Variants in AHCTF1 observed in about 807,000 individuals in gnomAD.
AHCTF1 encodes AT-hook containing transcription factor 1, also known as protein ELYS.
Under a neutral mutation model 248.4 loss-of-function variants are expected in AHCTF1, and 24 were observed. That is an observed-to-expected ratio of 0.10 (90% CI 0.07 to 0.14). The LOEUF is 0.14. Among genes scored for constraint, AHCTF1 ranks in the 10% least tolerant of loss-of-function variants. The pLI, the probability that AHCTF1 is intolerant of heterozygous loss-of-function variation, is 1.00. For synonymous variants in AHCTF1, 786 were observed against 929.8 expected, an observed-to-expected ratio of 0.85 and a Z score of 2.81; for missense variants, 2,206 against 2,636.2, an observed-to-expected ratio of 0.84 and a Z score of 3.57.
chr1:246,885,197 A>G (rs1489820926), intron 21 of AHCTF1, among the ~76,000 whole-genome samples: 1 of 152,242 alleles, frequency 6.6e-6, no homozygotes, highest in Non-Finnish European at 1.5e-5. Flanking sequence ...GTTGTCCCTC[A>G]GTATCCTTGG....
At chr1:246,866,347 A>AG (rs1388836378) in intron 26 of AHCTF1, among the ~76,000 whole-genome samples, 1 of 152,204 alleles carries the variant, frequency 6.6e-6, no homozygotes, top group African/African-American at 2.4e-5. Context: ...AACTATTGGT[A>AG]GAAAAAAAGA....
chr1:246,849,893 A>C lies in AHCTF1; in HGVS notation c.6113T>G (p.Leu2038Arg). 6.2e-7 allele frequency: 1 copy of C among 1,613,930 alleles called. No homozygotes were observed. The highest frequency in any genetic ancestry group is 2.2e-5 in the East Asian group (1 of 44,878). Reference sequence around the variant, plus strand: ...TTTCTTAGAGCTCATCACCATCGAAAGTTCCTCGTTTGGCACTAAAATGGA... The same window carrying C: ...TTTCTTAGAGCTCATCACCATCGAACGTTCCTCGTTTGGCACTAAAATGGA... ...GKSILVPNEE[L>R]SMVMSSKKKL... is the part of the protein sequence containing the mutation. Residue 2038 changes from leucine (L) to arginine (R), a missense_variant, in exon 33 of 36, where the codon CTT (leucine) becomes CGT (arginine). Around this residue, in one of 6 missense-constraint regions of AHCTF1, gnomAD observed 469 missense variants for 470.0 expected, o/e 1.00. Transcript: ENST00000648844.
At chr1:246,893,003 T>C (rs1664326251) in intron 14 of AHCTF1, among the ~76,000 whole-genome samples, 1 of 152,152 alleles carries the variant, frequency 6.6e-6, no homozygotes, top group Non-Finnish European at 1.5e-5. Flanking sequence ...TAGAGGTTTT[T>C]ATTTTTATTT....
At chr1:246,908,825 G>C (rs1049503416) in intron 4 of AHCTF1, among the ~76,000 whole-genome samples, 7 of 151,148 alleles carry the variant, frequency 4.6e-5, no homozygotes, top group Non-Finnish European at 1.0e-4. Flanking sequence ...GTGAATCCGG[G>C]AGGCAGAGCT....
At position 246,888,190 on chromosome 1, in the gene AHCTF1, G is replaced by A. The variant is rs182444981; in HGVS notation, c.2312C>T (p.Ala771Val). The A allele has an allele frequency of 2.5e-6, 4 of 1,613,972 alleles. No individual in the cohort carries two copies. Among genetic ancestry groups the A allele is most frequent in the Non-Finnish European group, 2.5e-6 (3 of 1,179,926 alleles). ...TTAAAAGGATACAATAGAGTGTTTG[G>A]CTGCTTCAGTAACGCCGTCTAATAG... ...MYLLDGVTEAAKHSITIYLLL... is the reference protein window; with the variant it reads ...MYLLDGVTEAVKHSITIYLLL... Residue 771 changes from alanine to valine, a missense_variant, in exon 19 of 36, where the codon GCC (alanine) becomes GTC (valine). This residue lies in a region of AHCTF1 where 650 missense variants were observed against 870.8 expected (regional missense o/e 0.75). Transcript: ENST00000648844.
At chr1:246,845,651 T>C (rs1054949427) in intron 33 of AHCTF1, among the ~76,000 whole-genome samples, 2 of 152,194 alleles carry the variant, frequency 1.3e-5, no homozygotes, top group Admixed American at 1.3e-4. Context: ...CATGCAAAAA[T>C]AGCCTCCACC....
intron 8 of AHCTF1, among the ~76,000 whole-genome samples, chr1:246,901,097 T>C (rs1664964802): frequency 6.7e-6 from 1 of 150,282 alleles, no homozygotes; most frequent in African/African-American, 2.5e-5. Flanking sequence ...CCCAGCACTT[T>C]GGAAGGCCAG....
chr1:246,910,036 C>T (rs1391024151), intron 4 of AHCTF1, among the ~76,000 whole-genome samples: 3 of 152,206 alleles, frequency 2.0e-5, no homozygotes, highest in Non-Finnish European at 4.4e-5. Context: ...CTAATTGAAA[C>T]TACTAGACAC....
chr1:246,920,678 G>A lies in AHCTF1; in HGVS notation c.-7-2301C>T, dbSNP rs534617037. On this transcript the variant is annotated intron_variant, in intron 1 of 35. Transcript: ENST00000648844. ...CCAGCTACTCGGGAGGCTGAGGCAG[G>A]AGAATGGCATGAACCTGGGAGGCGG... Among the ~76,000 whole-genome samples the A allele has an allele frequency of 5.3e-5, 8 of 151,924 alleles. No individual in the cohort carries two copies. The South Asian group carries it at 1.7e-3, about 32-fold the overall frequency.
chr1:246,903,253 A>T (rs924063418), intron 7 of AHCTF1, among the ~76,000 whole-genome samples: 2 of 152,204 alleles, frequency 1.3e-5, no homozygotes, highest in Non-Finnish European at 2.9e-5. Flanking sequence ...CTCCTCAGGA[A>T]TTCAGCCAGA....
chr1:246,845,656 T>G (rs193205214), intron 33 of AHCTF1, among the ~76,000 whole-genome samples: 345 of 152,306 alleles, frequency 2.3e-3, no homozygotes, highest in African/African-American at 7.9e-3. Flanking sequence ...AAAAATAGCC[T>G]CCACCATTTT....
At chr1:246,892,452 C>T (rs1664277873) in intron 14 of AHCTF1, among the ~76,000 whole-genome samples, 3 of 151,752 alleles carry the variant, frequency 2.0e-5, no homozygotes, top group African/African-American at 7.3e-5. Context: ...TCCTGAGTAG[C>T]TGGGATTACA....
intron 24 of AHCTF1, among the ~76,000 whole-genome samples, chr1:246,869,280 A>T (rs527685517): frequency 6.6e-6 from 1 of 151,810 alleles, no homozygotes; most frequent in African/African-American, 2.4e-5. Flanking sequence ...TTCCCCGAGG[A>T]CCTCCCTTAT....
At chr1:246,887,781 A>T (rs1663930497) in intron 19 of AHCTF1, among the ~76,000 whole-genome samples, 1 of 152,194 alleles carries the variant, frequency 6.6e-6, no homozygotes, top group Non-Finnish European at 1.5e-5. Flanking sequence ...TATCACAAAG[A>T]CTATAGGACT....
chr1:246,860,422 A>G (rs1350327259), intron 29 of AHCTF1, among the ~76,000 whole-genome samples: 1 of 152,218 alleles, frequency 6.6e-6, no homozygotes. Context: ...AAAAAATGTA[A>G]CACATAAGTT....
At chr1:246,919,397 A>G (rs1254789173) in intron 1 of AHCTF1, among the ~76,000 whole-genome samples, 1 of 152,244 alleles carries the variant, frequency 6.6e-6, no homozygotes, top group Non-Finnish European at 1.5e-5. Flanking sequence ...ATGTGTGGCC[A>G]GAATTCAAGC....
At position 246,888,207 on chromosome 1, in the gene AHCTF1, G is replaced by A. The variant is rs572976808; in HGVS notation, c.2295C>T (p.Asp765=). 20 of 1,613,996 alleles carry A rather than the reference G, an allele frequency of 1.2e-5. No individual in the cohort carries two copies. The highest frequency in any genetic ancestry group is 1.7e-4 in the Middle Eastern group (1 of 6,060). Residue 765 remains aspartate (D), a synonymous_variant, in exon 19 of 36, where the codon GAC becomes GAT. Coordinates refer to ENST00000648844, the MANE Select transcript of AHCTF1 (RefSeq NM_001323342.2). The stretch of plus-strand genomic sequence containing the variant: ...AGTGTTTGGCTGCTTCAGTAACGCC[G>A]TCTAATAGGTACATATCAAGTACTG... ...LHAVLDMYLL[D]GVTEAAKHSI...
chr1:246,921,029 T>C lies in AHCTF1; in HGVS notation c.-7-2652A>G, dbSNP rs993278882. On this transcript the variant is annotated intron_variant, in intron 1 of 35. Transcript: ENST00000648844. Reference sequence around the variant, plus strand: ...ATCGCTTGAACCTGGGAGAAGGAGGTTGCAGTGAACCAAGACCACGGCATT... The same window carrying C: ...ATCGCTTGAACCTGGGAGAAGGAGGCTGCAGTGAACCAAGACCACGGCATT... Among the ~76,000 whole-genome samples, 5 of 151,568 alleles carry C rather than the reference T, an allele frequency of 3.3e-5. 1 individual carries two copies. The South Asian group carries it at 6.2e-4, about 19-fold the overall frequency.
In AHCTF1 at chr1:246,839,604, T is replaced by C; in HGVS notation, c.*1202A>G. On this transcript the variant is annotated 3_prime_UTR_variant, in exon 36 of 36. Coordinates refer to ENST00000648844, the MANE Select transcript of AHCTF1 (RefSeq NM_001323342.2). ...CGTAGGCATTTTCACCAATTTCTCA[T>C]TATCTGTATTATTTGGTAGAAAAAT... The C allele has an allele frequency of 1.0e-6, 1 of 982,130 alleles. No individual in the cohort carries two copies. The highest frequency in any genetic ancestry group is 1.7e-5 in the African/African-American group (1 of 57,258). 60.8% of individuals were successfully genotyped at this position (982,130 alleles called of 1,614,324 possible). A position where few individuals can be genotyped will look rare whatever the true frequency, so the allele number is the denominator to read the frequency against.
Sources: gnomAD v4.1 joint callset for allele counts (sites outside exome capture counted in the v4.1 genomes callset) on GRCh38, gnomAD v4.1.1 for gene constraint, gnomAD v4.1.1 regional missense constraint, MANE v1.5 for transcripts, NCBI Gene and HGNC (gene_info 2026-07-23, HGNC 2026-07-21) for gene names.